The following MTX2 variants were observed in gnomAD, a reference collection of about 807,000 sequenced individuals.
MTX2 encodes metaxin 2.
In MTX2, 35 loss-of-function variants were observed where a neutral mutation model predicts 42.3. The observed-to-expected ratio is 0.83, with a 90% CI of 0.63 to 1.10. The LOEUF is 1.10. MTX2 is among the 50% of genes least tolerant of loss of function. The pLI is 0.00. For synonymous variants in MTX2, 119 were observed against 100.9 expected (o/e 1.18, Z -1.08); for missense variants, 307 against 304.1 (o/e 1.01, Z -0.07).
At chr2:176,291,200 A>G (rs561235286) in intron 1 of MTX2, among the ~76,000 whole-genome samples, 1 of 152,258 alleles carries the variant, frequency 6.6e-6, no homozygotes, top group South Asian at 2.1e-4. Context: ...TTAGGCAGCT[A>G]TTTAGTATTT....
chr2:176,300,579 A>G (rs1383697258), intron 3 of MTX2, among the ~76,000 whole-genome samples: 1 of 152,128 alleles, frequency 6.6e-6, no homozygotes, highest in African/African-American at 2.4e-5. Context: ...GCAGGTTTAG[A>G]ATACAATATG....
chr2:176,280,747 G>A (rs1693060661), intron 1 of MTX2, among the ~76,000 whole-genome samples: 1 of 152,174 alleles, frequency 6.6e-6, no homozygotes, highest in African/African-American at 2.4e-5. Flanking sequence ...GTTGCAAACC[G>A]CACGTAGCAG....
intron 3 of MTX2, among the ~76,000 whole-genome samples, chr2:176,315,101 A>C (rs543033990): frequency 2.6e-5 from 4 of 152,270 alleles, no homozygotes; most frequent in South Asian, 2.1e-4. Context: ...GAACCTGCTT[A>C]TCTGGTTTTC....
chr2:176,336,966 C>T (rs1159718172), intron 9 of MTX2, among the ~76,000 whole-genome samples: 4 of 152,140 alleles, frequency 2.6e-5, no homozygotes, highest in East Asian at 1.9e-4. Flanking sequence ...TAATTGCTTA[C>T]GTAAACTTAA....
chr2:176,324,114 T>A lies in MTX2; in HGVS notation c.208+650T>A, dbSNP rs1302242977. On this transcript the variant is annotated intron_variant, in intron 4 of 9. Coordinates refer to ENST00000249442, the MANE Select transcript of MTX2 (RefSeq NM_006554.5). ...GATAAATAAATGTTATATATAATTA[T>A]CATGGATGATTATTGTAATTATGGT... is the stretch of plus-strand genomic sequence containing the variant. Among the ~76,000 whole-genome samples the A allele has an allele frequency of 1.3e-5, 2 of 151,526 alleles. 1 individual carries two copies. Among genetic ancestry groups the A allele is most frequent in the East Asian group, 3.8e-4 (2 of 5,196 alleles).
chr2:176,308,741 C>G (rs2105424927), intron 3 of MTX2, among the ~76,000 whole-genome samples: 1 of 152,142 alleles, frequency 6.6e-6, no homozygotes, highest in South Asian at 2.1e-4. Context: ...GGTGATATCC[C>G]CTTTGTCATT....
intron 3 of MTX2, among the ~76,000 whole-genome samples, chr2:176,307,464 AT>A (rs1450835374): frequency 2.0e-5 from 3 of 152,114 alleles, no homozygotes; most frequent in Non-Finnish European, 4.4e-5. Context: ...CTTGATGGGG[AT>A]GGCATTGAAT....
intron 1 of MTX2, among the ~76,000 whole-genome samples, chr2:176,294,918 T>G (rs1486558448): frequency 1.3e-5 from 2 of 152,200 alleles, no homozygotes; most frequent in African/African-American, 4.8e-5. Flanking sequence ...ATGCCTAGTA[T>G]GTGCACAAAA....
At position 176,296,920 on chromosome 2, in the gene MTX2, C is replaced by T. The variant is rs200932115; in HGVS notation, c.88+13C>T. 508 of 1,610,098 alleles carry T rather than the reference C, an allele frequency of 3.2e-4. No homozygotes were observed. The highest frequency in any genetic ancestry group is 4.1e-4 in the Non-Finnish European group (487 of 1,176,866). On this transcript the variant is annotated intron_variant, in intron 2 of 9. Coordinates refer to ENST00000249442, the MANE Select transcript of MTX2 (RefSeq NM_006554.5). ...CAGCAATTGAAAGGTAAGTCTTGTTCACAATTAAAAATGGCTTTGTATCAA... is the reference window on the plus strand; with the variant it reads ...CAGCAATTGAAAGGTAAGTCTTGTTTACAATTAAAAATGGCTTTGTATCAA...
At chr2:176,328,956 A>C in intron 7 of MTX2, 44 bp downstream of exon 7, 1 of 1,520,400 alleles carries the variant, frequency 6.6e-7, no homozygotes, top group Non-Finnish European at 9.1e-7. Context: ...ATTTAATGAG[A>C]AAACACTTTT....
chr2:176,287,240 T>C (rs1693226006), intron 1 of MTX2, among the ~76,000 whole-genome samples: 1 of 152,228 alleles, frequency 6.6e-6, no homozygotes, highest in Non-Finnish European at 1.5e-5. Flanking sequence ...CCTGACACTT[T>C]ATATGCATTC....
At position 176,304,221 on chromosome 2, in the gene MTX2, A is replaced by G. The variant is rs115172659; in HGVS notation, c.135+6326A>G. On this transcript the variant is annotated intron_variant, in intron 3 of 9. Transcript: ENST00000249442. ...TGAATAGCATCTTCATTTATCTTCA[A>G]ACCCCTTCTGTGCTTTTAGTGAATC... 1,369 of 154,482 alleles carry G rather than the reference A, an allele frequency of 8.9e-3. 19 individuals are homozygous for G. Among genetic ancestry groups the G allele is most frequent in the African/African-American group, 0.031 (1,284 of 41,614 alleles). The allele number at this position is 154,482 out of a possible 1,614,324, so 9.6% of individuals were successfully genotyped here.
chr2:176,274,136 G>GTT (rs549744032), intron 1 of MTX2, among the ~76,000 whole-genome samples: 1 of 150,892 alleles, frequency 6.6e-6, no homozygotes, highest in African/African-American at 2.4e-5. Context: ...TTGTTGTCTA[G>GTT]TTTTTTTTTC....
intron 1 of MTX2, among the ~76,000 whole-genome samples, chr2:176,289,563 T>C (rs771278862): frequency 6.6e-6 from 1 of 152,128 alleles, no homozygotes; most frequent in African/African-American, 2.4e-5. Context: ...GGTATTCTTT[T>C]TATCTGCAGT....
At chr2:176,273,717 C>T (rs1225728879) in intron 1 of MTX2, among the ~76,000 whole-genome samples, 4 of 152,084 alleles carry the variant, frequency 2.6e-5, no homozygotes, top group Non-Finnish European at 5.9e-5. Context: ...TCTCAGTTAT[C>T]GTTCCTAAAT....
At chr2:176,303,993 A>T (rs1296888140) in intron 3 of MTX2, among the ~76,000 whole-genome samples, 1 of 152,036 alleles carries the variant, frequency 6.6e-6, no homozygotes, top group Non-Finnish European at 1.5e-5. Context: ...AACCATAAAG[A>T]TACAGTAGTA....
intron 9 of MTX2, among the ~76,000 whole-genome samples, chr2:176,335,787 A>G (rs1684973110): frequency 6.6e-6 from 1 of 152,098 alleles, no homozygotes; most frequent in African/African-American, 2.4e-5. Flanking sequence ...TTGAGAAAAT[A>G]AAGTATCCCA....
chr2:176,317,817 C>T (rs770954739), intron 3 of MTX2, among the ~76,000 whole-genome samples: 10 of 152,068 alleles, frequency 6.6e-5, no homozygotes, highest in Non-Finnish European at 1.5e-4. Context: ...TCAGTTTCTC[C>T]AAAGAATAAA....
intron 1 of MTX2, 110 bp from the exon 2 acceptor site, chr2:176,296,750 T>C: frequency 9.0e-7 from 1 of 1,107,990 alleles, no homozygotes; most frequent in Non-Finnish European, 1.4e-6. Flanking sequence ...TAAGTCAACC[T>C]TAGCAAATGA....
Sources: allele counts gnomAD v4.1 joint callset (sites outside exome capture counted in the v4.1 genomes callset), GRCh38; gene constraint gnomAD v4.1.1; transcripts MANE v1.5; gene names NCBI Gene and HGNC (gene_info 2026-07-23, HGNC 2026-07-21).